AOPEP: variants seen among roughly 807,000 people sequenced by gnomAD.
AOPEP encodes aminopeptidase O (putative).
A neutral mutation model predicts 98.1 loss-of-function variants in AOPEP; 77 were observed. The observed-to-expected ratio is 0.78, with a 90% CI of 0.65 to 0.95. The LOEUF is 0.95. Among genes scored for constraint, AOPEP ranks in the 40% least tolerant of loss-of-function variants. The pLI is 0.00. For synonymous variants in AOPEP, 346 were observed against 365.3 expected, an observed-to-expected ratio of 0.95 and a Z score of 0.60; for missense variants, 1,024 against 1,024.7, an observed-to-expected ratio of 1.00 and a Z score of 0.01.
chr9:95,149,843 C>T, the AOPEP span: 59 of 1,466,540 alleles, frequency 4.0e-5, no homozygotes, highest in Middle Eastern at 2.4e-4. Flanking sequence ...ACACTGCTGT[C>T]GTACAGTCTT....
intron 5 of AOPEP, among the ~76,000 whole-genome samples, chr9:94,897,324 AGAAAAGAT>A (rs764178686): frequency 6.6e-6 from 1 of 152,192 alleles, no homozygotes; most frequent in Non-Finnish European, 1.5e-5. Context: ...AAATCAATGA[AGAAAAGAT>A]GGACTGATCA....
intron 13 of AOPEP, among the ~76,000 whole-genome samples, chr9:95,058,797 C>T (rs2067060114): frequency 1.3e-5 from 2 of 152,186 alleles, no homozygotes; most frequent in South Asian, 4.1e-4. Flanking sequence ...GGCATTCAGT[C>T]AGTGGCCCTG....
chr9:95,137,024 G>A, the AOPEP span, among the ~76,000 whole-genome samples: 47 of 152,182 alleles, frequency 3.1e-4, no homozygotes, highest in African/African-American at 1.1e-3. Flanking sequence ...CAAACTTGAT[G>A]TCTATTCATT....
intron 5 of AOPEP, among the ~76,000 whole-genome samples, chr9:94,915,330 A>G (rs1398561313): frequency 6.6e-6 from 1 of 152,142 alleles, no homozygotes; most frequent in Non-Finnish European, 1.5e-5. Context: ...TCCTGCCACC[A>G]CGCAGCCATC....
At chr9:94,767,669 A>G (rs1391428736) in intron 2 of AOPEP, among the ~76,000 whole-genome samples, 1 of 152,232 alleles carries the variant, frequency 6.6e-6, no homozygotes, top group Admixed American at 6.5e-5. Context: ...ATGAGAAATA[A>G]CTGTCTTTGC....
At chr9:95,085,114 C>G (rs1463534068) in intron 16 of AOPEP, 6 of 395,168 alleles carry the variant, frequency 1.5e-5, no homozygotes, top group African/African-American at 6.3e-5. Context: ...GAAACTCCAC[C>G]TGTTTGCTAG....
Position 95,073,910 on chromosome 9 carries a change from G to A in AOPEP, c.2233-6784G>A, listed in dbSNP as rs116285737. The stretch of plus-strand genomic sequence containing the variant: ...ACCAGACTGCATTGCGTGTAGTGAA[G>A]GAAAGTGTTGGGAAATAACACTTTG... On this transcript the variant is annotated intron_variant, in intron 14 of 16. Transcript: ENST00000375315. Among the ~76,000 whole-genome samples, 537 of 152,320 alleles carry A rather than the reference G, an allele frequency of 3.5e-3. 4 individuals carry two copies. Among genetic ancestry groups the A allele is most frequent in the African/African-American group, 0.012 (487 of 41,562 alleles).
At chr9:94,939,488 C>T (rs938072358) in intron 7 of AOPEP, among the ~76,000 whole-genome samples, 30 of 152,018 alleles carry the variant, frequency 2.0e-4, no homozygotes, top group African/African-American at 7.0e-4. Context: ...AGAGCTCCTC[C>T]GCCCTTGGTC....
chr9:95,102,256 T>C, the AOPEP span, among the ~76,000 whole-genome samples: 1 of 152,166 alleles, frequency 6.6e-6, no homozygotes, highest in East Asian at 1.9e-4. Flanking sequence ...CACACGAACA[T>C]GAGAATTGGA....
At chr9:94,773,198 T>C in intron 3 of AOPEP, 30 bp downstream of exon 3, 1 of 1,593,332 alleles carries the variant, frequency 6.3e-7, no homozygotes, top group Non-Finnish European at 8.6e-7. Context: ...TGCTTATTTA[T>C]GTATTGCACA....
At chr9:95,040,624 C>T (rs2065205830) in intron 13 of AOPEP, among the ~76,000 whole-genome samples, 1 of 152,246 alleles carries the variant, frequency 6.6e-6, no homozygotes, top group Non-Finnish European at 1.5e-5. Flanking sequence ...CTCCCCTCCT[C>T]TATGTCTTTC....
At chr9:94,774,853 C>T (rs773830406) in intron 3 of AOPEP, among the ~76,000 whole-genome samples, 39 of 152,158 alleles carry the variant, frequency 2.6e-4, no homozygotes, top group Non-Finnish European at 5.0e-4. Flanking sequence ...GAACTTTGCT[C>T]ATCTGATAGG....
At chr9:94,764,841 A>G (rs958040649) in intron 2 of AOPEP, among the ~76,000 whole-genome samples, 5 of 152,000 alleles carry the variant, frequency 3.3e-5, no homozygotes, top group African/African-American at 7.2e-5. Flanking sequence ...GAAACTCTGT[A>G]TATTATCTTT....
At chr9:95,111,279 C>A in the AOPEP span, 10 of 1,559,742 alleles carry the variant, frequency 6.4e-6, no homozygotes, top group Non-Finnish European at 8.6e-6. Context: ...TCGGTGGGGA[C>A]AGGAGAACGC....
chr9:94,756,479 G>A (rs1038593145), intron 1 of AOPEP, among the ~76,000 whole-genome samples: 2 of 152,108 alleles, frequency 1.3e-5, no homozygotes, highest in African/African-American at 4.8e-5. Context: ...AAGGAGGATC[G>A]CTTGAGCCCG....
At chr9:95,011,206 C>T (rs1479506287) in intron 13 of AOPEP, among the ~76,000 whole-genome samples, 5 of 125,716 alleles carry the variant, frequency 4.0e-5, no homozygotes, top group Non-Finnish European at 6.4e-5. Context: ...TTTCCCTAGC[C>T]ATTGATTTTT....
intron 10 of AOPEP, among the ~76,000 whole-genome samples, chr9:94,973,509 C>T (rs1345039183): frequency 6.6e-6 from 1 of 152,184 alleles, no homozygotes; most frequent in African/African-American, 2.4e-5. Context: ...ATATTCTCTC[C>T]CCTGCCGTGT....
At chr9:94,903,770 G>A (rs1012665510) in intron 5 of AOPEP, among the ~76,000 whole-genome samples, 1 of 151,488 alleles carries the variant, frequency 6.6e-6, no homozygotes, top group Admixed American at 6.6e-5. Flanking sequence ...GTGTGGTGGT[G>A]GGTACCTGCA....
chr9:94,742,364 A>G (rs1408558515), intron 1 of AOPEP, among the ~76,000 whole-genome samples: 2 of 152,148 alleles, frequency 1.3e-5, no homozygotes, highest in East Asian at 3.8e-4. Context: ...GTGCCTACCC[A>G]CAGGCAGTAA....
Sources: gnomAD v4.1 joint callset for allele counts (sites outside exome capture counted in the v4.1 genomes callset) on GRCh38, gnomAD v4.1.1 for gene constraint, MANE v1.5 for transcripts, NCBI Gene and HGNC (gene_info 2026-07-23, HGNC 2026-07-21) for gene names.